The following RPS6KB1 variants were observed in gnomAD, a reference collection of about 807,000 sequenced individuals.
RPS6KB1 encodes the protein ribosomal protein S6 kinase beta-1.
A neutral mutation model predicts 70.2 loss-of-function variants in RPS6KB1; 12 were observed. That is an observed-to-expected ratio of 0.17 (90% CI 0.11 to 0.28). RPS6KB1 has a LOEUF of 0.28. Ranked by LOEUF, RPS6KB1 falls within the 10% of genes least tolerant of loss-of-function variation. The pLI, the probability that RPS6KB1 is intolerant of heterozygous loss-of-function variation, is 1.00. For missense variants in RPS6KB1, 270 were observed against 646.6 expected (o/e 0.42, Z 6.32); for synonymous variants, 175 against 211.2 (o/e 0.83, Z 1.49).
At chr17:59,904,764 T>G (rs1388518960) in intron 1 of RPS6KB1, among the ~76,000 whole-genome samples, 3 of 150,228 alleles carry the variant, frequency 2.0e-5, no homozygotes, top group East Asian at 3.9e-4. Context: ...TGGCGCGATC[T>G]CAGCTCACTG....
intron 1 of RPS6KB1, among the ~76,000 whole-genome samples, chr17:59,894,458 C>G (rs936378774): frequency 7.9e-5 from 12 of 152,306 alleles, no homozygotes; most frequent in Admixed American, 7.2e-4. Context: ...TCTAATTACA[C>G]AGGGGCTTCC....
intron 7 of RPS6KB1, among the ~76,000 whole-genome samples, chr17:59,933,167 C>T (rs2044037387): frequency 1.3e-5 from 2 of 150,948 alleles, no homozygotes; most frequent in African/African-American, 2.4e-5. Context: ...AACTGAGGCT[C>T]ATATAAACAT....
chr17:59,946,848 T>A lies in RPS6KB1; in HGVS notation c.*60T>A. 6.3e-7 allele frequency: 1 copy of A among 1,591,908 alleles called. No individual in the cohort carries two copies. Among genetic ancestry groups the A allele is most frequent in the Non-Finnish European group, 8.6e-7 (1 of 1,167,676 alleles). ...AGGTGGAGAGGGAGATGTGTGAGCA[T>A]CCTGCAAGGTGAAACGACTCAAAAT... On this transcript the variant is annotated 3_prime_UTR_variant, in exon 15 of 15. Transcript: ENST00000225577. The surrounding 1 kb of genome is among the most constrained non-coding windows in gnomAD (Gnocchi z 4.2).
At chr17:59,905,410 A>G (rs2042206886) in intron 1 of RPS6KB1, among the ~76,000 whole-genome samples, 1 of 152,114 alleles carries the variant, frequency 6.6e-6, no homozygotes, top group Non-Finnish European at 1.5e-5. Context: ...GCTTTTGGTA[A>G]TGTATATAAG....
chr17:59,914,679 A>T lies in RPS6KB1; in HGVS notation c.357A>T (p.Ile119=). ...RKVTGANTGK[I]FAMKVLKKAM... ...TAACAGGAGCAAATACTGGGAAAAT[A>T]TTTGCCATGAAGGTGCTTAAAAAGG... The change falls in exon 4 of 15, where the codon ATA becomes ATT. Residue 119 remains isoleucine, a synonymous_variant. Coordinates refer to ENST00000225577, the MANE Select transcript of RPS6KB1 (RefSeq NM_003161.4). 1 of 1,612,626 alleles carries T rather than the reference A, an allele frequency of 6.2e-7. No homozygotes were observed. The highest frequency in any genetic ancestry group is 8.5e-7 in the Non-Finnish European group (1 of 1,179,642).
Position 59,893,405 on chromosome 17 carries a change from G to A in RPS6KB1, c.141+80G>A. On this transcript the variant is annotated intron_variant, in intron 1 of 14. Transcript: ENST00000225577. The surrounding 1 kb of genome is among the most constrained non-coding windows in gnomAD (Gnocchi z 4.1). ...GGCTCAGGAAGCGCGGTGTGTCCTA[G>A]AGCGTGGAGACCCAGGGGGGCTCCT... 1 of 1,417,632 alleles carries A rather than the reference G, an allele frequency of 7.1e-7. No individual in the cohort carries two copies. Among genetic ancestry groups the A allele is most frequent in the Non-Finnish European group, 9.7e-7 (1 of 1,035,606 alleles). The allele number at this position is 1,417,632 out of a possible 1,614,324, so 87.8% of individuals were successfully genotyped here.
intron 1 of RPS6KB1, among the ~76,000 whole-genome samples, chr17:59,908,036 C>T (rs928048133): frequency 5.9e-5 from 9 of 152,060 alleles, no homozygotes; most frequent in Non-Finnish European, 1.5e-5. Context: ...GCATTTTACA[C>T]TAGATACCCT....
chr17:59,898,751 C>G (rs1198647612), intron 1 of RPS6KB1, among the ~76,000 whole-genome samples: 1 of 151,832 alleles, frequency 6.6e-6, no homozygotes, highest in African/African-American at 2.4e-5. Flanking sequence ...GCCACCGTGC[C>G]CGGCCAGCAG....
At chr17:59,943,909 CAT>C (rs200356416) in intron 13 of RPS6KB1, among the ~76,000 whole-genome samples, 3,250 of 116,050 alleles carry the variant, frequency 0.028, 55 homozygotes, top group Non-Finnish European at 0.037. Context: ...TATATATACA[CAT>C]ATATATATAT....
At chr17:59,918,035 G>C (rs1013374898) in intron 4 of RPS6KB1, among the ~76,000 whole-genome samples, 12 of 152,106 alleles carry the variant, frequency 7.9e-5, no homozygotes, top group African/African-American at 2.9e-4. Flanking sequence ...CTGGGTTCAA[G>C]CGATTCCCCT....
intron 13 of RPS6KB1, among the ~76,000 whole-genome samples, chr17:59,942,670 T>G (rs180517): frequency 0.14 from 21,621 of 152,198 alleles, 1,690 homozygotes; most frequent in Middle Eastern, 0.19. Flanking sequence ...CATTGCTCAC[T>G]ATGTAATACA....
rs774417798 is a variant in RPS6KB1, at chr17:59,910,586, C to G, written c.166C>G (p.His56Asp). 1 of 1,591,248 alleles carries G rather than the reference C, an allele frequency of 6.3e-7. No individual in the cohort carries two copies. Among genetic ancestry groups the G allele is most frequent in the South Asian group, 1.1e-5 (1 of 87,016 alleles). The change falls in exon 2 of 15, where the codon CAT becomes GAT. Residue 56 changes from histidine (H) to aspartate (D), a missense_variant. His to Asp is a moderately conservative substitution (Grantham distance 81). This residue lies in a region of RPS6KB1 where 72 missense variants were observed against 93.4 expected (regional missense o/e 0.77). Coordinates refer to ENST00000225577, the MANE Select transcript of RPS6KB1 (RefSeq NM_003161.4). Reference sequence around the variant, plus strand: ...GGGTCAGTTAAATGAAAGCATGGACCATGGGGGAGTTGGACCATATGAACT... The same window carrying G: ...GGGTCAGTTAAATGAAAGCATGGACGATGGGGGAGTTGGACCATATGAACT... ...EGGQLNESMD[H>D]GGVGPYELGM...
intron 12 of RPS6KB1, among the ~76,000 whole-genome samples, chr17:59,939,900 A>G (rs1291792506): frequency 6.6e-6 from 1 of 152,218 alleles, no homozygotes; most frequent in Non-Finnish European, 1.5e-5. Flanking sequence ...CAAGAGTCTA[A>G]CCAGATATTT....
At chr17:59,911,219 C>A (rs2042612388) in intron 2 of RPS6KB1, among the ~76,000 whole-genome samples, 1 of 152,192 alleles carries the variant, frequency 6.6e-6, no homozygotes, top group Non-Finnish European at 1.5e-5. Flanking sequence ...TAGACAAGCT[C>A]CATTAGGTGA....
At chr17:59,937,995 C>T (rs2044336751) in intron 12 of RPS6KB1, among the ~76,000 whole-genome samples, 1 of 151,802 alleles carries the variant, frequency 6.6e-6, no homozygotes, top group Non-Finnish European at 1.5e-5. Context: ...GCATAATGTC[C>T]CCACTTTAAA....
intron 1 of RPS6KB1, among the ~76,000 whole-genome samples, chr17:59,898,160 G>A (rs2041679396): frequency 6.6e-6 from 1 of 151,906 alleles, no homozygotes; most frequent in African/African-American, 2.4e-5. Context: ...CAAAAATGTT[G>A]GAATCTTCTC....
intron 13 of RPS6KB1, among the ~76,000 whole-genome samples, chr17:59,942,517 CT>C (rs965827868): frequency 6.6e-6 from 1 of 151,214 alleles, no homozygotes; most frequent in Non-Finnish European, 1.5e-5. Context: ...ATTTTGTATC[CT>C]TTTTTTTTCT....
intron 14 of RPS6KB1, 134 bp downstream of exon 14, chr17:59,945,652 A>G (rs760421240): frequency 5.6e-5 from 34 of 606,388 alleles, no homozygotes; most frequent in Admixed American, 1.1e-4. Context: ...CACAGCATCT[A>G]TATCTTACAT....
In RPS6KB1 at chr17:59,901,392, G is replaced by A. The variant is rs1437547154; in HGVS notation, c.141+8067G>A. 2.0e-5 allele frequency among the ~76,000 whole-genome samples: 3 copies of A among 150,170 alleles called. 1 individual carries two copies. Among genetic ancestry groups the A allele is most frequent in the South Asian group, 4.2e-4 (2 of 4,766 alleles). ...TCTCGATCTCCTGACCTTGCAATCC[G>A]CCCGCCTCAGCCTCCTAAAGTGCTG... On this transcript the variant is annotated intron_variant, in intron 1 of 14. Coordinates refer to ENST00000225577, the MANE Select transcript of RPS6KB1 (RefSeq NM_003161.4).
Sources: allele counts gnomAD v4.1 joint callset (sites outside exome capture counted in the v4.1 genomes callset), GRCh38; gene constraint gnomAD v4.1.1; regional missense constraint gnomAD v4.1.1; non-coding constraint Gnocchi (gnomAD v3.1); transcripts MANE v1.5; gene names NCBI Gene and HGNC (gene_info 2026-07-23, HGNC 2026-07-21).